The following ARRB1 variants were observed in gnomAD, a reference collection of about 807,000 sequenced individuals.
ARRB1 encodes the protein arrestin beta 1, also known as beta-arrestin-1.
Under a neutral mutation model 56.8 loss-of-function variants are expected in ARRB1, and 21 were observed. That is an observed-to-expected ratio of 0.37 (90% CI 0.26 to 0.53). The LOEUF is 0.53. ARRB1 is among the 20% of genes least tolerant of loss of function. The pLI is 0.88. For missense variants in ARRB1, 424 were observed against 553.7 expected (o/e 0.77, Z 2.35); for synonymous variants, 210 against 218.6 (o/e 0.96, Z 0.35).
chr11:75,268,510 C>CAAAAAAAAA (rs61409833), intron 14 of ARRB1, among the ~76,000 whole-genome samples: 31 of 61,412 alleles, frequency 5.0e-4, no homozygotes, highest in Admixed American at 6.9e-4. Flanking sequence ...GTCTCAAAAC[C>CAAAAAAAAA]AAAAAAAAAA....
intron 13 of ARRB1, chr11:75,269,226 C>A (rs532710741): frequency 2.9e-6 from 2 of 689,662 alleles, no homozygotes; most frequent in African/African-American, 3.5e-5. Flanking sequence ...TGGGAAGAGG[C>A]CCAGGGGTGG....
At chr11:75,268,232 T>G (rs1165908163) in intron 14 of ARRB1, among the ~76,000 whole-genome samples, 2 of 152,034 alleles carry the variant, frequency 1.3e-5, no homozygotes, top group Non-Finnish European at 2.9e-5. Flanking sequence ...AGGCCAGGCA[T>G]GGTAGCTCAT....
intron 9 of ARRB1, 104 bp from the exon 10 acceptor site, chr11:75,277,015 A>T: frequency 1.8e-6 from 2 of 1,135,418 alleles, no homozygotes; most frequent in Non-Finnish European, 2.6e-6. Flanking sequence ...GGCAATGGCC[A>T]GAGGCCACCA....
At chr11:75,335,306 C>T (rs72561777) in intron 1 of ARRB1, 111 of 169,214 alleles carry the variant, frequency 6.6e-4, no homozygotes, top group Admixed American at 1.8e-3. Context: ...AGATCTTGGC[C>T]GGACGTGGTA....
intron 1 of ARRB1, among the ~76,000 whole-genome samples, chr11:75,325,424 C>T (rs1259134405): frequency 6.6e-6 from 1 of 152,188 alleles, no homozygotes; most frequent in South Asian, 2.1e-4. Flanking sequence ...TGGGTTCAAG[C>T]GATTCTCGTG....
At chr11:75,266,306 T>C (rs768698300) in intron 15 of ARRB1, 32 bp from the exon 16 acceptor site, 3 of 1,575,060 alleles carry the variant, frequency 1.9e-6, no homozygotes, top group Admixed American at 1.7e-5. Flanking sequence ...ATGTGGTGTG[T>C]TTGCAGGGGC....
At chr11:75,287,751 G>C (rs1946514990) in intron 2 of ARRB1, among the ~76,000 whole-genome samples, 1 of 152,234 alleles carries the variant, frequency 6.6e-6, no homozygotes, top group Non-Finnish European at 1.5e-5. Context: ...GCAGGCGGGA[G>C]CGCTGAGCCC....
chr11:75,284,199 G>A (rs781266151), intron 4 of ARRB1, 36 bp downstream of exon 4: 1 of 1,583,318 alleles, frequency 6.3e-7, no homozygotes, highest in Admixed American at 1.8e-5. Flanking sequence ...AGAGGAGGCG[G>A]CCCTTGACAG....
At chr11:75,286,255 C>CTTTTTTTTTTTTT (rs60988072) in intron 3 of ARRB1, among the ~76,000 whole-genome samples, 3 of 38,736 alleles carry the variant, frequency 7.7e-5, no homozygotes, top group African/African-American at 3.2e-4. Context: ...ATTTGCTCAT[C>CTTTTTTTTTTTTT]TTTTTTTTTT....
chr11:75,312,924 G>C (rs518232), intron 1 of ARRB1, among the ~76,000 whole-genome samples: 91,097 of 152,114 alleles, frequency 0.6, 28,189 homozygotes, highest in African/African-American at 0.77. Flanking sequence ...ACCTCCAGAA[G>C]TGTAAAGAAT....
At chr11:75,312,074 C>G in intron 1 of ARRB1, 1 of 1,289,430 alleles carries the variant, frequency 7.8e-7, no homozygotes, top group African/African-American at 1.5e-5. Flanking sequence ...CAGCCTCTCC[C>G]GCTGCAAGTC....
intron 3 of ARRB1, among the ~76,000 whole-genome samples, chr11:75,285,962 A>G (rs1156389822): frequency 1.3e-5 from 2 of 152,238 alleles, no homozygotes; most frequent in Non-Finnish European, 2.9e-5. Context: ...CTCAGGGAGA[A>G]GATGCCAATG....
intron 1 of ARRB1, among the ~76,000 whole-genome samples, chr11:75,324,607 G>A (rs888951549): frequency 1.2e-4 from 19 of 152,048 alleles, no homozygotes; most frequent in African/African-American, 4.4e-4. Context: ...GGGAGTGTGC[G>A]TGTGGGTGTG....
intron 1 of ARRB1, among the ~76,000 whole-genome samples, chr11:75,294,165 G>A (rs553664): frequency 0.5 from 75,833 of 151,874 alleles, 20,656 homozygotes; most frequent in African/African-American, 0.74. Flanking sequence ...GGTCTGTCAT[G>A]TAGTCAAGGA....
chr11:75,297,166 G>A (rs891258959), intron 1 of ARRB1, among the ~76,000 whole-genome samples: 1 of 152,042 alleles, frequency 6.6e-6, no homozygotes, highest in African/African-American at 2.4e-5. Flanking sequence ...TTGATTCAAT[G>A]TAATCTTTAT....
intron 1 of ARRB1, among the ~76,000 whole-genome samples, chr11:75,292,348 C>T (rs1292077737): frequency 6.6e-6 from 1 of 152,082 alleles, no homozygotes; most frequent in Non-Finnish European, 1.5e-5. Context: ...CCATGTTGGC[C>T]AGGCTGGTCT....
At chr11:75,306,539 A>G (rs1201288177) in intron 1 of ARRB1, 1 of 1,192,982 alleles carries the variant, frequency 8.4e-7, no homozygotes, top group Non-Finnish European at 1.1e-6. Context: ...GGTGAGTCAG[A>G]TAGAAAGTCT....
In ARRB1 at chr11:75,264,610, C is replaced by G. The variant is rs1023963803; in HGVS notation, c.*1553G>C. The stretch of plus-strand genomic sequence containing the variant: ...GCAGTTGGTGCTCCATAGGGCCCTG[C>G]CACCTCTGAGGTCCAATAAATCCCC... On this transcript the variant is annotated 3_prime_UTR_variant, in exon 16 of 16. Transcript: ENST00000420843. The G allele has an allele frequency of 6.6e-6, 1 of 152,204 alleles. No homozygotes were observed. The highest frequency in any genetic ancestry group is 1.5e-5 in the Non-Finnish European group (1 of 68,074). 9.4% of individuals were successfully genotyped at this position (152,204 alleles called of 1,614,324 possible). A position where few individuals can be genotyped will look rare whatever the true frequency, so the allele number is the denominator to read the frequency against.
intron 1 of ARRB1, among the ~76,000 whole-genome samples, chr11:75,315,808 G>GACCC (rs113289392): frequency 0.11 from 17,458 of 152,162 alleles, 1,114 homozygotes; most frequent in African/African-American, 0.15. Flanking sequence ...GCACACTGTG[G>GACCC]ACCCCCACAA....
Sources: gnomAD v4.1 joint callset for allele counts (sites outside exome capture counted in the v4.1 genomes callset) on GRCh38, gnomAD v4.1.1 for gene constraint, MANE v1.5 for transcripts, NCBI Gene and HGNC (gene_info 2026-07-23, HGNC 2026-07-21) for gene names.